The following HS6ST3 variants were observed in gnomAD, a reference collection of about 807,000 sequenced individuals.
HS6ST3 encodes heparan-sulfate 6-O-sulfotransferase 3.
A neutral mutation model predicts 36.7 loss-of-function variants in HS6ST3; 12 were observed. The ratio of observed to expected loss-of-function variants is 0.33; its 90% CI spans 0.21 to 0.53. The LOEUF (loss-of-function observed/expected upper bound fraction) is 0.53. Among genes scored for constraint, HS6ST3 ranks in the 20% least tolerant of loss-of-function variants. HS6ST3 has a pLI of 0.95. For missense variants in HS6ST3, 584 were observed against 640.9 expected, an observed-to-expected ratio of 0.91 and a Z score of 0.96; for synonymous variants, 240 against 257.5, an observed-to-expected ratio of 0.93 and a Z score of 0.65.
intron 1 of HS6ST3, among the ~76,000 whole-genome samples, chr13:96,126,174 C>G (rs2053950147): frequency 1.3e-5 from 2 of 152,308 alleles, no homozygotes; most frequent in South Asian, 2.1e-4. Context: ...TTAGTCCTCT[C>G]CTTTTCCACA....
intron 1 of HS6ST3, among the ~76,000 whole-genome samples, chr13:96,374,298 T>C (rs1210892988): frequency 6.6e-6 from 1 of 152,218 alleles, no homozygotes; most frequent in African/African-American, 2.4e-5. Flanking sequence ...TTTATAATAC[T>C]AATTTTTTGA....
At chr13:96,810,169 A>T (rs868753396) in intron 1 of HS6ST3, among the ~76,000 whole-genome samples, 6 of 152,212 alleles carry the variant, frequency 3.9e-5, no homozygotes, top group South Asian at 4.1e-4. Context: ...GGGCAGCCTG[A>T]CAGAACTAAG....
At chr13:96,210,284 A>G (rs2054392343) in intron 1 of HS6ST3, among the ~76,000 whole-genome samples, 1 of 152,220 alleles carries the variant, frequency 6.6e-6, no homozygotes, top group South Asian at 2.1e-4. Context: ...CAAAATTTCA[A>G]ACATTGAACG....
chr13:96,735,932 C>T (rs1033365441), intron 1 of HS6ST3, among the ~76,000 whole-genome samples: 2 of 152,078 alleles, frequency 1.3e-5, no homozygotes, highest in Non-Finnish European at 2.9e-5. Context: ...ATGGATGGAG[C>T]TGGAGGCCAT....
At chr13:96,701,161 A>G (rs1875275367) in intron 1 of HS6ST3, among the ~76,000 whole-genome samples, 1 of 152,232 alleles carries the variant, frequency 6.6e-6, no homozygotes, top group Non-Finnish European at 1.5e-5. Context: ...CAAAATTACC[A>G]TCTAACAAAA....
chr13:96,535,859 T>A (rs2056153318), intron 1 of HS6ST3, among the ~76,000 whole-genome samples: 2 of 152,170 alleles, frequency 1.3e-5, no homozygotes, highest in Non-Finnish European at 2.9e-5. Flanking sequence ...GTCCCTTTCC[T>A]AATGCCAGCA....
intron 1 of HS6ST3, among the ~76,000 whole-genome samples, chr13:96,678,476 C>G (rs1013060875): frequency 2.6e-5 from 4 of 152,084 alleles, no homozygotes; most frequent in African/African-American, 9.7e-5. Flanking sequence ...AGTTCAAGAC[C>G]AGCCTGGCCA....
At chr13:96,119,261 A>G (rs1417950057) in intron 1 of HS6ST3, among the ~76,000 whole-genome samples, 2 of 152,250 alleles carry the variant, frequency 1.3e-5, no homozygotes, top group East Asian at 1.9e-4. Context: ...AATAATTTCA[A>G]TTAATTTAAT....
intron 1 of HS6ST3, among the ~76,000 whole-genome samples, chr13:96,532,236 A>C (rs2056138504): frequency 6.6e-6 from 1 of 152,242 alleles, no homozygotes; most frequent in South Asian, 2.1e-4. Flanking sequence ...GGCATCTAAA[A>C]AGAGAGAAAC....
At chr13:96,265,865 G>T (rs1254522264) in intron 1 of HS6ST3, among the ~76,000 whole-genome samples, 1 of 152,176 alleles carries the variant, frequency 6.6e-6, no homozygotes, top group Non-Finnish European at 1.5e-5. Context: ...ACTGGAGGTA[G>T]AATAAAAATA....
At position 96,607,873 on chromosome 13, in the gene HS6ST3, T is replaced by C. The variant is rs536653096; in HGVS notation, c.708-224617T>C. Among the ~76,000 whole-genome samples the C allele has an allele frequency of 6.6e-5, 10 of 152,262 alleles. No individual in the cohort carries two copies. The South Asian group carries it at 2.1e-3, about 32-fold the overall frequency. Reference sequence around the variant, plus strand: ...ATCTGAATCATCAAAGCGAGTAACCTCAAGAGAAATTTTATTTTTAAATGC... The same window carrying C: ...ATCTGAATCATCAAAGCGAGTAACCCCAAGAGAAATTTTATTTTTAAATGC... On this transcript the variant is annotated intron_variant, in intron 1 of 1. Transcript: ENST00000376705.
intron 1 of HS6ST3, among the ~76,000 whole-genome samples, chr13:96,658,296 T>TTTTTTTTTTTTTTTTTTTTTTTC (rs1467303957): frequency 1.7e-4 from 15 of 87,442 alleles, no homozygotes; most frequent in Non-Finnish European, 3.1e-4. Flanking sequence ...TTTTTTTTTT[T>TTTTTTTTTTTTTTTTTTTTTTTC]TTGAGATGGC....
chr13:96,657,285 G>C (rs1428009974), intron 1 of HS6ST3, among the ~76,000 whole-genome samples: 2 of 152,058 alleles, frequency 1.3e-5, no homozygotes, highest in African/African-American at 2.4e-5. Flanking sequence ...TTAAGGCCAG[G>C]CACAGTGGCT....
intron 1 of HS6ST3, among the ~76,000 whole-genome samples, chr13:96,695,643 C>G (rs1433850492): frequency 8.5e-6 from 1 of 118,162 alleles, no homozygotes; most frequent in South Asian, 2.6e-4. Context: ...CACTATGATC[C>G]CCAGGCTGGT....
At chr13:96,232,528 C>T (rs2054513703) in intron 1 of HS6ST3, among the ~76,000 whole-genome samples, 1 of 152,022 alleles carries the variant, frequency 6.6e-6, no homozygotes, top group Admixed American at 6.6e-5. Flanking sequence ...AAATCAGTAC[C>T]TAGGAAGTGC....
intron 1 of HS6ST3, among the ~76,000 whole-genome samples, chr13:96,395,768 G>A (rs1255466613): frequency 6.6e-6 from 1 of 152,040 alleles, no homozygotes; most frequent in Non-Finnish European, 1.5e-5. Flanking sequence ...TTATGTACTT[G>A]GTTATATGCA....
chr13:96,757,702 T>C (rs1876868554), intron 1 of HS6ST3, among the ~76,000 whole-genome samples: 1 of 152,150 alleles, frequency 6.6e-6, no homozygotes, highest in African/African-American at 2.4e-5. Flanking sequence ...ATTTTGTCAT[T>C]TTTTCTTGCA....
intron 1 of HS6ST3, among the ~76,000 whole-genome samples, chr13:96,614,309 A>T (rs1256626112): frequency 1.3e-4 from 19 of 149,250 alleles, no homozygotes; most frequent in African/African-American, 4.2e-4. Context: ...AAAAAAAAAA[A>T]AAAAAAAAAA....
intron 1 of HS6ST3, among the ~76,000 whole-genome samples, chr13:96,356,002 T>A (rs891516251): frequency 1.3e-5 from 2 of 152,176 alleles, no homozygotes; most frequent in Admixed American, 6.5e-5. Context: ...TCTTTGCTCA[T>A]CCATGAGAAG....
Sources: allele counts gnomAD v4.1 joint callset (sites outside exome capture counted in the v4.1 genomes callset), GRCh38; gene constraint gnomAD v4.1.1; transcripts MANE v1.5; gene names NCBI Gene and HGNC (gene_info 2026-07-23, HGNC 2026-07-21).